Variants in CCDC171 observed in about 807,000 individuals in gnomAD.
CCDC171 encodes the protein coiled-coil domain-containing protein 171.
Under a neutral mutation model 168.2 loss-of-function variants are expected in CCDC171, and 177 were observed. The observed-to-expected ratio is 1.05, with a 90% CI of 0.93 to 1.19. The LOEUF is 1.19. Among genes scored for constraint, CCDC171 ranks in the 50% most tolerant of loss-of-function variants. CCDC171 has a pLI of 0.00. For synonymous variants in CCDC171, 687 were observed against 540.8 expected (o/e 1.27, Z -3.75); for missense variants, 1,991 against 1,539.0 (o/e 1.29, Z -4.91).
At chr9:15,706,028 C>G (rs936378904) in intron 11 of CCDC171, among the ~76,000 whole-genome samples, 3 of 152,170 alleles carry the variant, frequency 2.0e-5, no homozygotes, top group Non-Finnish European at 4.4e-5. Flanking sequence ...GATGTACAAT[C>G]TTTCATGGAT....
intron 7 of CCDC171, among the ~76,000 whole-genome samples, chr9:15,640,856 G>A (rs1587665942): frequency 2.0e-5 from 3 of 151,868 alleles, no homozygotes; most frequent in Admixed American, 2.0e-4. Flanking sequence ...ATCTTTTTTG[G>A]TAATAAAAAT....
chr9:15,723,256 C>T (rs2053600902), intron 12 of CCDC171, among the ~76,000 whole-genome samples: 1 of 152,122 alleles, frequency 6.6e-6, no homozygotes, highest in Non-Finnish European at 1.5e-5. Context: ...AGTGAGAGAC[C>T]AGTGAATATC....
chr9:15,602,798 C>T (rs1286488753), intron 6 of CCDC171, among the ~76,000 whole-genome samples: 3 of 151,546 alleles, frequency 2.0e-5, no homozygotes, highest in Non-Finnish European at 4.4e-5. Context: ...GCTGGGATTA[C>T]AGGCACGCAC....
At chr9:16,053,710 C>T (rs1833788886) in intron 1 of CCDC171, among the ~76,000 whole-genome samples, 1 of 152,226 alleles carries the variant, frequency 6.6e-6, no homozygotes, top group Non-Finnish European at 1.5e-5. Flanking sequence ...CAGTGTGGGG[C>T]CGGAGAAAGC....
At chr9:16,019,902 C>T (rs573717141) in intron 3 of CCDC171, among the ~76,000 whole-genome samples, 3 of 152,260 alleles carry the variant, frequency 2.0e-5, no homozygotes, top group East Asian at 3.9e-4. Context: ...GGCTCTGGCA[C>T]TGAAAATTCT....
At chr9:15,901,170 C>T (rs1056572122) in intron 24 of CCDC171, among the ~76,000 whole-genome samples, 7 of 152,064 alleles carry the variant, frequency 4.6e-5, no homozygotes, top group Non-Finnish European at 8.8e-5. Flanking sequence ...TGAAAAAGAT[C>T]AGTGGTTGCC....
At chr9:15,634,846 C>T (rs994286499) in intron 7 of CCDC171, among the ~76,000 whole-genome samples, 1 of 152,158 alleles carries the variant, frequency 6.6e-6, no homozygotes, top group African/African-American at 2.4e-5. Flanking sequence ...TACTTTCTGT[C>T]TTTATAGATT....
chr9:15,733,025 A>G (rs2054250145), intron 16 of CCDC171, among the ~76,000 whole-genome samples: 1 of 152,126 alleles, frequency 6.6e-6, no homozygotes, highest in Admixed American at 6.5e-5. Flanking sequence ...GTGTAATGCC[A>G]TGTCATTGTG....
intron 25 of CCDC171, among the ~76,000 whole-genome samples, chr9:15,944,293 C>A (rs145918667): frequency 1.3e-5 from 2 of 151,876 alleles, no homozygotes; most frequent in Non-Finnish European, 1.5e-5. Context: ...ATTATTGAAG[C>A]CTTCTTGTGA....
the CCDC171 span, among the ~76,000 whole-genome samples, chr9:16,089,066 A>G: frequency 1.3e-5 from 2 of 152,136 alleles, no homozygotes; most frequent in Non-Finnish European, 2.9e-5. Context: ...ACACAGCTAC[A>G]ACAATCTGAT....
intron 1 of CCDC171, among the ~76,000 whole-genome samples, chr9:16,054,036 C>T (rs888105001): frequency 2.0e-5 from 3 of 152,198 alleles, no homozygotes; most frequent in African/African-American, 4.8e-5. Context: ...GATGTTCTTT[C>T]CTGCCTTCTG....
At chr9:15,699,152 G>T (rs1418451222) in intron 11 of CCDC171, among the ~76,000 whole-genome samples, 1 of 152,070 alleles carries the variant, frequency 6.6e-6, no homozygotes, top group African/African-American at 2.4e-5. Flanking sequence ...TGTGTTCGGA[G>T]TTTCTTCCTT....
intron 24 of CCDC171, among the ~76,000 whole-genome samples, chr9:15,905,324 C>T (rs1822397248): frequency 6.6e-6 from 1 of 152,216 alleles, no homozygotes; most frequent in Non-Finnish European, 1.5e-5. Flanking sequence ...CAAACTTTCT[C>T]TCAGACCACA....
intron 10 of CCDC171, among the ~76,000 whole-genome samples, chr9:15,684,818 C>G (rs929197251): frequency 9.2e-5 from 14 of 152,140 alleles, no homozygotes; most frequent in African/African-American, 3.1e-4. Flanking sequence ...TTTCATAATA[C>G]ATTAAGATTT....
intron 21 of CCDC171, among the ~76,000 whole-genome samples, chr9:15,791,123 A>G (rs1385646471): frequency 6.6e-6 from 1 of 152,076 alleles, no homozygotes; most frequent in African/African-American, 2.4e-5. Flanking sequence ...GTTTTTTCCA[A>G]TTCTGTGAAG....
intron 7 of CCDC171, among the ~76,000 whole-genome samples, chr9:15,629,972 A>C (rs1175525418): frequency 1.3e-5 from 2 of 152,242 alleles, no homozygotes; most frequent in Non-Finnish European, 2.9e-5. Context: ...CAGAAAAGCA[A>C]ATGCTGAGAG....
At chr9:15,656,079 G>A (rs2047904517) in intron 7 of CCDC171, among the ~76,000 whole-genome samples, 1 of 152,168 alleles carries the variant, frequency 6.6e-6, no homozygotes, top group South Asian at 2.1e-4. Flanking sequence ...TAGCACTTTG[G>A]GAGGCCGAGG....
chr9:15,698,122 C>T (rs1163445596), intron 11 of CCDC171, among the ~76,000 whole-genome samples: 2 of 152,050 alleles, frequency 1.3e-5, no homozygotes, highest in Non-Finnish European at 2.9e-5. Flanking sequence ...TATGTTTATA[C>T]CCATTAATCT....
intron 3 of CCDC171, among the ~76,000 whole-genome samples, chr9:15,574,654 A>G (rs1472200052): frequency 6.6e-6 from 1 of 152,190 alleles, no homozygotes; most frequent in African/African-American, 2.4e-5. Context: ...ATAATCTCCA[A>G]CTGTACGCAT....
Sources: allele counts gnomAD v4.1 joint callset (sites outside exome capture counted in the v4.1 genomes callset), GRCh38; gene constraint gnomAD v4.1.1; transcripts MANE v1.5; gene names NCBI Gene and HGNC (gene_info 2026-07-23, HGNC 2026-07-21).